Variants in SEC14L1 observed in about 807,000 individuals in gnomAD.
SEC14L1 encodes SEC14-like protein 1.
A neutral mutation model predicts 85.3 loss-of-function variants in SEC14L1; 48 were observed. The observed-to-expected ratio is 0.56, with a 90% CI of 0.45 to 0.72. The LOEUF (loss-of-function observed/expected upper bound fraction) is 0.72, where lower values mean the gene tolerates loss of function less well. Among genes scored for constraint, SEC14L1 ranks in the 30% least tolerant of loss-of-function variants. The pLI, the probability that SEC14L1 is intolerant of heterozygous loss-of-function variation, is 0.00. For missense variants in SEC14L1, 682 were observed against 921.4 expected, an observed-to-expected ratio of 0.74 and a Z score of 3.36; for synonymous variants, 391 against 355.5, an observed-to-expected ratio of 1.10 and a Z score of -1.12.
chr17:77,206,772 T>G lies in SEC14L1; in HGVS notation c.1386T>G (p.Ile462Met). Residue 462 changes from isoleucine to methionine, a missense_variant, in exon 13 of 17, where the codon ATT (isoleucine) becomes ATG (methionine). Transcript: ENST00000436233. The surrounding 1 kb of genome is among the most constrained non-coding windows in gnomAD (Gnocchi z 4.3). ...IDDNTRRKFL[I>M]YAGNDYQGPG... ...ACAACACCAGAAGGAAGTTCCTCATTTATGCAGGAAATGACTACCAGGGTC... is the reference window on the plus strand; with the variant it reads ...ACAACACCAGAAGGAAGTTCCTCATGTATGCAGGAAATGACTACCAGGGTC... 6.2e-7 allele frequency: 1 copy of G among 1,612,692 alleles called. No homozygotes were observed. Among genetic ancestry groups the G allele is most frequent in the African/African-American group, 1.3e-5 (1 of 74,930 alleles).
intron 3 of SEC14L1, among the ~76,000 whole-genome samples, chr17:77,117,262 G>T (rs1972192468): frequency 6.6e-6 from 1 of 152,136 alleles, no homozygotes; most frequent in African/African-American, 2.4e-5. Flanking sequence ...AGGGAGAATT[G>T]CTTGAACCCG....
At chr17:77,130,228 G>C (rs1388891152) in intron 3 of SEC14L1, 2 of 152,162 alleles carry the variant, frequency 1.3e-5, no homozygotes, top group Non-Finnish European at 2.9e-5. Context: ...GTGGGGTGGA[G>C]GGGTGGTGAA....
chr17:77,173,184 G>A (rs534423061), intron 3 of SEC14L1, among the ~76,000 whole-genome samples: 1 of 152,304 alleles, frequency 6.6e-6, no homozygotes, highest in East Asian at 1.9e-4. Context: ...AGCCTCCTCT[G>A]AGGGGCACTT....
chr17:77,192,714 G>A (rs1183041581), intron 5 of SEC14L1, among the ~76,000 whole-genome samples: 2 of 151,584 alleles, frequency 1.3e-5, no homozygotes, highest in African/African-American at 2.4e-5. Flanking sequence ...TCAGGCTGGA[G>A]TGCAGTGGAA....
rs752620007 is a variant in SEC14L1 at position 77,203,668 on chromosome 17, C to T, written c.1098+10C>T. The T allele has an allele frequency of 1.0e-5, 16 of 1,606,212 alleles. No individual in the cohort carries two copies. The highest frequency in any genetic ancestry group is 5.6e-5 in the South Asian group (5 of 90,060). On this transcript the variant is annotated intron_variant, in intron 10 of 16. Coordinates refer to ENST00000436233, the MANE Select transcript of SEC14L1 (RefSeq NM_001143998.2). ...AGCCCTGCTGAGATACGTAAGTGCGCGGCTGCGAGACTCCAGGTGCCACTG... is the reference window on the plus strand; with the variant it reads ...AGCCCTGCTGAGATACGTAAGTGCGTGGCTGCGAGACTCCAGGTGCCACTG...
chr17:77,188,147 T>C (rs1189612616), intron 3 of SEC14L1, among the ~76,000 whole-genome samples: 2 of 152,342 alleles, frequency 1.3e-5, no homozygotes, highest in African/African-American at 4.8e-5. Flanking sequence ...AAAGATCTCA[T>C]GTGTTCTTTA....
chr17:77,138,532 A>G (rs1972859411), upstream of SEC14L1, among the ~76,000 whole-genome samples: 1 of 152,224 alleles, frequency 6.6e-6, no homozygotes, highest in Non-Finnish European at 1.5e-5. Context: ...GGGCAGGAGA[A>G]TCACTTGAAC....
intron 3 of SEC14L1, among the ~76,000 whole-genome samples, chr17:77,128,348 A>T (rs912786370): frequency 2.7e-5 from 4 of 145,880 alleles, no homozygotes; most frequent in African/African-American, 5.0e-5. Context: ...GAGCTGGCAG[A>T]TGCAGTGCCT....
intron 3 of SEC14L1, among the ~76,000 whole-genome samples, chr17:77,170,268 C>CGGCA (rs1222559031): frequency 6.6e-6 from 1 of 152,056 alleles, no homozygotes; most frequent in Non-Finnish European, 1.5e-5. Flanking sequence ...GGTCCTGGAA[C>CGGCA]GGCAGTCCAT....
intron 3 of SEC14L1, among the ~76,000 whole-genome samples, chr17:77,162,569 A>G (rs911087362): frequency 5.3e-5 from 8 of 152,056 alleles, no homozygotes; most frequent in Non-Finnish European, 1.2e-4. Context: ...GCGGTGGCTC[A>G]CACCTGTAAT....
chr17:77,118,576 G>A (rs1160420655), intron 3 of SEC14L1, among the ~76,000 whole-genome samples: 2 of 152,184 alleles, frequency 1.3e-5, no homozygotes, highest in Non-Finnish European at 2.9e-5. Context: ...ATGCTGCCAC[G>A]TCCAATGTAC....
chr17:77,141,297 T>TCCGCCCCCCTGCTCGCCCC (rs1973020667), intron 1 of SEC14L1, 190 bp downstream of exon 1: 1 of 17,038 alleles, frequency 5.9e-5, no homozygotes, highest in Admixed American at 7.1e-4. Context: ...CTGCTCGCCC[T>TCCGCCCCCCTGCTCGCCCC]CCGCCCCCCT....
intron 9 of SEC14L1, among the ~76,000 whole-genome samples, chr17:77,202,938 A>AT (rs1184727086): frequency 1.8e-4 from 9 of 50,388 alleles, no homozygotes; most frequent in South Asian, 9.7e-4. Context: ...TAAAAAAATA[A>AT]AAAAAAAAAA....
At chr17:77,145,156 T>A (rs1307675706) in intron 3 of SEC14L1, 1 of 130,350 alleles carries the variant, frequency 7.7e-6, no homozygotes, top group Non-Finnish European at 1.7e-5. Context: ...CATATATATT[T>A]GTTTTGTTTT....
At chr17:77,164,696 C>T (rs1974210805) in intron 3 of SEC14L1, among the ~76,000 whole-genome samples, 1 of 151,906 alleles carries the variant, frequency 6.6e-6, no homozygotes, top group African/African-American at 2.4e-5. Flanking sequence ...GAGTTGCAGA[C>T]ATGATAATTG....
At chr17:77,167,064 T>G (rs1240508759) in intron 3 of SEC14L1, among the ~76,000 whole-genome samples, 1 of 151,856 alleles carries the variant, frequency 6.6e-6, no homozygotes, top group African/African-American at 2.4e-5. Context: ...GAGAAGGGAG[T>G]GAATGTTGAA....
Position 77,215,646 on chromosome 17 carries a change from A to G in SEC14L1, c.*1623A>G. 1.0e-6 allele frequency: 1 copy of G among 991,294 alleles called. No homozygotes were observed. The highest frequency in any genetic ancestry group is 1.1e-4 in the East Asian group (1 of 9,246). The allele number at this position is 991,294 out of a possible 1,614,324, so 61.4% of individuals were successfully genotyped here. A position where few individuals can be genotyped will look rare whatever the true frequency, so the allele number is the denominator to read the frequency against. ...TGCTGTGATCACCTGCCTTTGGACC[A>G]CATTTGTGTTTGCTCTTAGAGATCG... On this transcript the variant is annotated 3_prime_UTR_variant, in exon 17 of 17. Coordinates refer to ENST00000436233, the MANE Select transcript of SEC14L1 (RefSeq NM_001143998.2).
Position 77,216,599 on chromosome 17 carries a change from C to T in SEC14L1, c.*2576C>T. The T allele has an allele frequency of 6.2e-7, 1 of 1,613,314 alleles. No homozygotes were observed. Among genetic ancestry groups the T allele is most frequent in the Non-Finnish European group, 8.5e-7 (1 of 1,179,448 alleles). On this transcript the variant is annotated 3_prime_UTR_variant, in exon 17 of 17. Coordinates refer to ENST00000436233, the MANE Select transcript of SEC14L1 (RefSeq NM_001143998.2). ...AGAAAATGCTTCACTCAACAGTCCT[C>T]ATGTGCCCAGAGATGTTTATAGAAC...
intron 3 of SEC14L1, among the ~76,000 whole-genome samples, chr17:77,120,461 T>G (rs1394129922): frequency 6.6e-6 from 1 of 151,860 alleles, no homozygotes; most frequent in African/African-American, 2.4e-5. Flanking sequence ...CCCCGGAGTT[T>G]CTGATCCTTC....
Sources: gnomAD v4.1 joint callset for allele counts (sites outside exome capture counted in the v4.1 genomes callset) on GRCh38, gnomAD v4.1.1 for gene constraint, Gnocchi (gnomAD v3.1) non-coding constraint, MANE v1.5 for transcripts, NCBI Gene and HGNC (gene_info 2026-07-23, HGNC 2026-07-21) for gene names.